The following SLC35F4 variants were observed in gnomAD, a reference collection of about 807,000 sequenced individuals.
SLC35F4 encodes chromosome 14 open reading frame 36.
A neutral mutation model predicts 44.2 loss-of-function variants in SLC35F4; 24 were observed. The ratio of observed to expected loss-of-function variants is 0.54; its 90% CI spans 0.39 to 0.76. The LOEUF (loss-of-function observed/expected upper bound fraction) is 0.76, where lower values mean the gene tolerates loss of function less well. SLC35F4 is among the 30% of genes least tolerant of loss of function. The probability of loss-of-function intolerance (pLI) is 0.00; values close to 1 mark genes in which losing one functional copy is unlikely to be tolerated. For missense variants in SLC35F4, 562 were observed against 586.1 expected, an observed-to-expected ratio of 0.96 and a Z score of 0.42; for synonymous variants, 238 against 223.6, an observed-to-expected ratio of 1.06 and a Z score of -0.57.
intron 1 of SLC35F4, among the ~76,000 whole-genome samples, chr14:57,920,015 A>G (rs1889411208): frequency 6.6e-6 from 1 of 152,200 alleles, no homozygotes; most frequent in South Asian, 2.1e-4. Flanking sequence ...TACCATGAGC[A>G]GTAAACCTCC....
At chr14:57,679,756 A>T (rs2074827336) in intron 1 of SLC35F4, among the ~76,000 whole-genome samples, 1 of 152,106 alleles carries the variant, frequency 6.6e-6, no homozygotes, top group South Asian at 2.1e-4. Context: ...CTCTATGCAA[A>T]TAAACTAGAA....
chr14:57,769,704 C>T (rs1395613790), intron 1 of SLC35F4, among the ~76,000 whole-genome samples: 1 of 152,166 alleles, frequency 6.6e-6, no homozygotes. Flanking sequence ...TGCTACAGGG[C>T]CCCTATGGAA....
chr14:57,564,485 T>G (rs900375903), intron 7 of SLC35F4, 109 bp from the exon 8 acceptor site: 2 of 1,420,138 alleles, frequency 1.4e-6, no homozygotes, highest in Non-Finnish European at 1.9e-6. Context: ...TCTTCTTTAT[T>G]CTTCCAAGTT....
intron 1 of SLC35F4, among the ~76,000 whole-genome samples, chr14:57,743,234 G>A (rs1347558815): frequency 6.6e-6 from 1 of 152,114 alleles, no homozygotes; most frequent in East Asian, 1.9e-4. Context: ...GAGCAGAACT[G>A]AAGGAAATAG....
chr14:57,981,364 G>A (rs1209855369), intron 1 of SLC35F4, among the ~76,000 whole-genome samples: 5 of 152,104 alleles, frequency 3.3e-5, no homozygotes, highest in South Asian at 4.1e-4. Context: ...GGAAATGGGT[G>A]CTTGGGTGCT....
chr14:57,644,359 T>G (rs149648963), intron 1 of SLC35F4, among the ~76,000 whole-genome samples: 1,844 of 152,340 alleles, frequency 0.012, 42 homozygotes, highest in African/African-American at 0.042. Flanking sequence ...TGCATTTCTC[T>G]GATGGCCAGT....
At chr14:57,832,252 A>C (rs1884455256) in intron 1 of SLC35F4, among the ~76,000 whole-genome samples, 1 of 150,652 alleles carries the variant, frequency 6.6e-6, no homozygotes, top group South Asian at 2.1e-4. Flanking sequence ...CAGACTCAGT[A>C]CAGGAACTTG....
intron 1 of SLC35F4, among the ~76,000 whole-genome samples, chr14:57,954,433 C>T (rs1890199155): frequency 1.3e-5 from 2 of 152,070 alleles, no homozygotes; most frequent in Admixed American, 6.5e-5. Flanking sequence ...CAGAGTAGAA[C>T]TGAAGGGGAT....
intron 1 of SLC35F4, among the ~76,000 whole-genome samples, chr14:57,716,833 T>C (rs528284298): frequency 2.0e-5 from 3 of 152,186 alleles, no homozygotes; most frequent in Admixed American, 6.5e-5. Context: ...ATTTCTCCTA[T>C]CTAGCTAAAA....
At chr14:57,596,937 T>C in intron 1 of SLC35F4, 1 of 1,326,482 alleles carries the variant, frequency 7.5e-7, no homozygotes, top group Non-Finnish European at 1.0e-6. Context: ...ATACAAACTT[T>C]AAACTTCCAA....
intron 1 of SLC35F4, among the ~76,000 whole-genome samples, chr14:57,746,277 T>C (rs2140536080): frequency 6.6e-6 from 1 of 152,294 alleles, no homozygotes; most frequent in South Asian, 2.1e-4. Flanking sequence ...TTGTTTATGA[T>C]GTTAACTGTA....
At chr14:57,973,438 C>A (rs1379872657), downstream of SLC35F4, among the ~76,000 whole-genome samples, 3 of 151,982 alleles carry the variant, frequency 2.0e-5, no homozygotes. Flanking sequence ...ACCTTACCTT[C>A]TTCCCAAAAT....
At position 57,654,941 on chromosome 14, in the gene SLC35F4, G is replaced by A. The variant is rs182639786; in HGVS notation, c.104-60817C>T. Among the ~76,000 whole-genome samples the A allele has an allele frequency of 2.4e-4, 36 of 152,244 alleles. No homozygotes were observed. In the East Asian group the frequency reaches 2.7e-3, roughly 11 times the overall value. ...ATTTAAAGGTACGCTGACGAAGCCC[G>A]CATGCCTCCAATCAGAGGATATTTT... On this transcript the variant is annotated intron_variant, in intron 1 of 7. Transcript: ENST00000556826.
chr14:57,827,236 T>G (rs1883880513), intron 1 of SLC35F4, among the ~76,000 whole-genome samples: 2 of 152,150 alleles, frequency 1.3e-5, no homozygotes, highest in African/African-American at 4.8e-5. Flanking sequence ...GAAGCCATTA[T>G]CCTCAGCAAA....
chr14:57,952,936 A>G (rs1890167038), intron 1 of SLC35F4, among the ~76,000 whole-genome samples: 1 of 152,106 alleles, frequency 6.6e-6, no homozygotes, highest in Non-Finnish European at 1.5e-5. Context: ...AAATACAGAG[A>G]ACACCACAGA....
intron 3 of SLC35F4, among the ~76,000 whole-genome samples, chr14:57,582,866 A>C (rs996555861): frequency 6.6e-6 from 1 of 152,190 alleles, no homozygotes; most frequent in Non-Finnish European, 1.5e-5. Context: ...CCACGTGGAG[A>C]GGAGGAGTGA....
intron 1 of SLC35F4, among the ~76,000 whole-genome samples, chr14:57,612,036 A>G (rs1209654092): frequency 6.6e-6 from 1 of 152,158 alleles, no homozygotes; most frequent in Non-Finnish European, 1.5e-5. Context: ...CAATGTCCTC[A>G]CTGTGGTGCA....
At chr14:57,737,447 T>C (rs75467392) in intron 1 of SLC35F4, among the ~76,000 whole-genome samples, 5,479 of 152,238 alleles carry the variant, frequency 0.036, 98 homozygotes, top group East Asian at 0.041. Context: ...ATCTTTTGAC[T>C]CTTAACTGTG....
intron 1 of SLC35F4, among the ~76,000 whole-genome samples, chr14:57,662,946 T>C (rs2074186951): frequency 6.6e-6 from 1 of 152,172 alleles, no homozygotes; most frequent in Non-Finnish European, 1.5e-5. Context: ...TTGACAGTGG[T>C]TGTGTTCTAC....
Sources: gnomAD v4.1 joint callset for allele counts (sites outside exome capture counted in the v4.1 genomes callset) on GRCh38, gnomAD v4.1.1 for gene constraint, MANE v1.5 for transcripts, NCBI Gene and HGNC (gene_info 2026-07-23, HGNC 2026-07-21) for gene names.